The following KIAA1549L variants were observed in gnomAD, a reference collection of about 807,000 sequenced individuals.
The protein encoded by KIAA1549L is UPF0606 protein KIAA1549L.
In KIAA1549L, 88 loss-of-function variants were observed where a neutral mutation model predicts 160.7. The ratio of observed to expected loss-of-function variants is 0.55; its 90% CI spans 0.46 to 0.65. The LOEUF is 0.65. Among genes scored for constraint, KIAA1549L ranks in the 30% least tolerant of loss-of-function variants. The pLI, the probability that KIAA1549L is intolerant of heterozygous loss-of-function variation, is 0.00. For synonymous variants in KIAA1549L, 950 were observed against 976.7 expected (o/e 0.97, Z 0.51); for missense variants, 2,258 against 2,437.5 (o/e 0.93, Z 1.55).
At chr11:33,578,283 C>A (rs1325599828) in intron 10 of KIAA1549L, among the ~76,000 whole-genome samples, 4 of 152,110 alleles carry the variant, frequency 2.6e-5, no homozygotes, top group African/African-American at 9.7e-5. Flanking sequence ...CCCGGAGGCT[C>A]AGCTGTCACT....
intron 1 of KIAA1549L, among the ~76,000 whole-genome samples, chr11:33,469,028 A>G (rs1234979807): frequency 1.3e-5 from 2 of 152,156 alleles, no homozygotes; most frequent in Admixed American, 1.3e-4. Context: ...TGTTTCTTTC[A>G]TGACTTTATT....
At chr11:33,523,769 T>C (rs2133131244) in intron 1 of KIAA1549L, among the ~76,000 whole-genome samples, 1 of 152,344 alleles carries the variant, frequency 6.6e-6, no homozygotes, top group South Asian at 2.1e-4. Context: ...TACGTATTAA[T>C]TGACAATTTA....
intron 16 of KIAA1549L, among the ~76,000 whole-genome samples, chr11:33,620,046 T>C (rs1850917056): frequency 6.6e-6 from 1 of 152,200 alleles, no homozygotes; most frequent in African/African-American, 2.4e-5. Flanking sequence ...AGTGAGATTG[T>C]AGGCAAAGAC....
At chr11:33,416,386 T>A (rs1277584219) in intron 1 of KIAA1549L, among the ~76,000 whole-genome samples, 1 of 152,138 alleles carries the variant, frequency 6.6e-6, no homozygotes, top group Middle Eastern at 3.2e-3. Flanking sequence ...TTTTGTAGTT[T>A]TCTTCCCTAG....
At chr11:33,611,658 A>G (rs1017165828) in intron 15 of KIAA1549L, among the ~76,000 whole-genome samples, 7 of 152,130 alleles carry the variant, frequency 4.6e-5, no homozygotes, top group African/African-American at 1.7e-4. Context: ...TTTGTACTTC[A>G]GGGAGTTTTA....
rs572895244 is a variant in KIAA1549L, at chr11:33,492,266, G to T, written c.239-49536G>T. 1.3e-5 allele frequency among the ~76,000 whole-genome samples: 2 copies of T among 152,192 alleles called. 1 individual carries two copies. The highest frequency in any genetic ancestry group is 4.8e-5 in the African/African-American group (2 of 41,452). On this transcript the variant is annotated intron_variant, in intron 1 of 20. Transcript: ENST00000658780. ...GTCTGTAATCCCGGCCACTGGGGAG[G>T]CTGAGGCAGGAGAATCACTTGAACC... is the stretch of plus-strand genomic sequence containing the variant.
rs903848248 is a variant in KIAA1549L at position 33,644,935 on chromosome 11, A to C, written c.5410-751A>C. Among the ~76,000 whole-genome samples, 3 of 152,250 alleles carry C rather than the reference A, an allele frequency of 2.0e-5. No homozygotes were observed. In the East Asian group the frequency reaches 5.8e-4, roughly 29 times the overall value. On this transcript the variant is annotated intron_variant, in intron 16 of 20. Transcript: ENST00000658780. ...GACACTTACGAAGCAAGCATTCATT[A>C]GCAGGCAAGCACGAGACCGTCCATG... is the stretch of plus-strand genomic sequence containing the variant.
At chr11:33,600,712 G>C (rs935895149) in intron 13 of KIAA1549L, among the ~76,000 whole-genome samples, 5 of 152,070 alleles carry the variant, frequency 3.3e-5, no homozygotes, top group African/African-American at 1.2e-4. Context: ...TTTTTACTAT[G>C]CATATGGCAA....
intron 1 of KIAA1549L, among the ~76,000 whole-genome samples, chr11:33,479,384 G>C (rs1852361667): frequency 6.6e-6 from 1 of 152,230 alleles, no homozygotes; most frequent in Non-Finnish European, 1.5e-5. Flanking sequence ...CAAATGGTTT[G>C]TCGAGGGAGG....
intron 1 of KIAA1549L, among the ~76,000 whole-genome samples, chr11:33,454,945 C>T (rs939039144): frequency 6.6e-5 from 10 of 151,942 alleles, no homozygotes; most frequent in Non-Finnish European, 1.3e-4. Flanking sequence ...AAAAAATAGC[C>T]GGGCGTGGTG....
chr11:33,427,112 A>T (rs942577201), intron 1 of KIAA1549L, among the ~76,000 whole-genome samples: 9 of 152,178 alleles, frequency 5.9e-5, no homozygotes, highest in Non-Finnish European at 1.0e-4. Context: ...AGTTTATACC[A>T]TGAACCTCAA....
chr11:33,477,554 C>G (rs1852317906), intron 1 of KIAA1549L, among the ~76,000 whole-genome samples: 1 of 150,670 alleles, frequency 6.6e-6, no homozygotes, highest in African/African-American at 2.5e-5. Flanking sequence ...ACACTACCCC[C>G]CTTTGCATGT....
At chr11:33,473,538 C>T (rs1852226248) in intron 1 of KIAA1549L, among the ~76,000 whole-genome samples, 1 of 152,156 alleles carries the variant, frequency 6.6e-6, no homozygotes. Context: ...TTATAGTTAC[C>T]TTCTCAAAGG....
intron 1 of KIAA1549L, among the ~76,000 whole-genome samples, chr11:33,452,229 G>A (rs1336277046): frequency 6.6e-6 from 1 of 152,188 alleles, no homozygotes; most frequent in Non-Finnish European, 1.5e-5. Flanking sequence ...GGATGAAATA[G>A]CAGAAGGAAG....
In KIAA1549L at chr11:33,658,755, C is replaced by A; in HGVS notation, c.5864C>A (p.Thr1955Asn). Reference sequence around the variant, plus strand: ...AGTCCCTCTGCCCCATCTAGATCCACCTCAGACATCGGCAGCAAGACCAGA... The same window carrying A: ...AGTCCCTCTGCCCCATCTAGATCCAACTCAGACATCGGCAGCAAGACCAGA... ...PVAVASLRRS[T>N]SDIGSKTRMA... The change falls in exon 19 of 21, where the codon ACC (threonine) becomes AAC (asparagine). Residue 1955 changes from threonine to asparagine, a missense_variant. Physicochemically the swap from Thr to Asn is moderately conservative, Grantham distance 65. This residue lies in a region of KIAA1549L where 1,359 missense variants were observed against 1,546.6 expected (regional missense o/e 0.88). Transcript: ENST00000658780. 1 of 1,572,920 alleles carries A rather than the reference C, an allele frequency of 6.4e-7. No homozygotes were observed. Among genetic ancestry groups the A allele is most frequent in the Non-Finnish European group, 8.6e-7 (1 of 1,159,948 alleles).
chr11:33,553,298 T>C (rs1329193191), intron 6 of KIAA1549L, among the ~76,000 whole-genome samples: 4 of 98,894 alleles, frequency 4.0e-5, no homozygotes, highest in Non-Finnish European at 8.2e-5. Context: ...CCACACCTGG[T>C]GCGCTGTATT....
At position 33,430,201 on chromosome 11, in the gene KIAA1549L, C is replaced by T. The variant is rs367945060; in HGVS notation, c.238+53312C>T. On this transcript the variant is annotated intron_variant, in intron 1 of 20. Transcript: ENST00000658780. ...TTCCCCACCTACCTCCCTTCTTTCC[C>T]TCCCTCTCTCCCTCCCTCCCTTCCT... Among the ~76,000 whole-genome samples, 169 of 148,112 alleles carry T rather than the reference C, an allele frequency of 1.1e-3. 1 individual carries two copies. Among genetic ancestry groups the T allele is most frequent in the African/African-American group, 4.2e-3 (168 of 40,200 alleles).
chr11:33,615,883 T>C (rs192379075), intron 15 of KIAA1549L, among the ~76,000 whole-genome samples: 94 of 152,320 alleles, frequency 6.2e-4, no homozygotes, highest in Non-Finnish European at 2.9e-5. Context: ...CCAAAAACGA[T>C]GTGTAATTAG....
At position 33,645,947 on chromosome 11, in the gene KIAA1549L, G is replaced by A. The variant is rs776673634; in HGVS notation, c.5671G>A (p.Ala1891Thr). 3.2e-5 allele frequency: 52 copies of A among 1,612,694 alleles called. No homozygotes were observed. The highest frequency in any genetic ancestry group is 4.0e-5 in the Non-Finnish European group (47 of 1,179,380). ...GCCCTATTCGGAGGTGGTGACCAGC[G>A]CTCCGGGGACCATGACGCGGCCCAG... ...HLPYSEVVTS[A>T]PGTMTRPRAG... is the part of the protein sequence containing the mutation. Residue 1891 changes from alanine (A) to threonine (T), a missense_variant, in exon 17 of 21, where the codon GCT becomes ACT. Transcript: ENST00000658780.
Sources: allele counts gnomAD v4.1 joint callset (sites outside exome capture counted in the v4.1 genomes callset), GRCh38; gene constraint gnomAD v4.1.1; regional missense constraint gnomAD v4.1.1; transcripts MANE v1.5; gene names NCBI Gene and HGNC (gene_info 2026-07-23, HGNC 2026-07-21).